Variants in UTRN observed in about 807,000 individuals in gnomAD.
UTRN encodes the protein utrophin, also known as dystrophin-related protein 1.
UTRN carries 283 observed loss-of-function variants against 463.9 expected under a neutral mutation model. The ratio of observed to expected loss-of-function variants is 0.61; its 90% CI spans 0.55 to 0.67. The LOEUF (loss-of-function observed/expected upper bound fraction) is 0.67, where lower values mean the gene tolerates loss of function less well. Ranked by LOEUF, UTRN falls within the 30% of genes least tolerant of loss-of-function variation. The pLI is 0.00. For synonymous variants in UTRN, 1,442 were observed against 1,431.5 expected, an observed-to-expected ratio of 1.01 and a Z score of -0.17; for missense variants, 3,922 against 4,084.3, an observed-to-expected ratio of 0.96 and a Z score of 1.08.
At chr6:144,486,667 G>A (rs1378812822) in intron 28 of UTRN, among the ~76,000 whole-genome samples, 16 of 152,230 alleles carry the variant, frequency 1.1e-4, no homozygotes, top group African/African-American at 1.7e-4. Context: ...GATCACAGGC[G>A]TGTGCCACTA....
chr6:144,687,732 A>C (rs1001576396), intron 52 of UTRN, among the ~76,000 whole-genome samples: 1 of 151,942 alleles, frequency 6.6e-6, no homozygotes, highest in African/African-American at 2.4e-5. Flanking sequence ...TCATTCGATA[A>C]GTTTTTCTTT....
In UTRN at chr6:144,700,351, C is replaced by T. The variant is rs546988307; in HGVS notation, c.7809+108C>T. 4.7e-4 allele frequency: 492 copies of T among 1,054,334 alleles called. 8 individuals carry two copies. The African/African-American group carries it at 6.5e-3, about 14-fold the overall frequency. 65.3% of individuals were successfully genotyped at this position (1,054,334 alleles called of 1,614,324 possible). ...GAGTTGAACCAATTATCACAGGATTCCCCCCCCCACCACCGTCTGCTTTTA... is the reference window on the plus strand; with the variant it reads ...GAGTTGAACCAATTATCACAGGATTTCCCCCCCCACCACCGTCTGCTTTTA... On this transcript the variant is annotated intron_variant, in intron 53 of 74. Coordinates refer to ENST00000367545, the MANE Select transcript of UTRN (RefSeq NM_007124.3).
intron 50 of UTRN, among the ~76,000 whole-genome samples, chr6:144,559,199 A>C (rs1257109438): frequency 6.6e-6 from 1 of 152,056 alleles, no homozygotes; most frequent in East Asian, 1.9e-4. Context: ...AAAATGAATT[A>C]TATTGCAAGG....
chr6:144,461,283 G>C lies in UTRN; in HGVS notation c.2794G>C (p.Val932Leu). 6.2e-7 allele frequency: 1 copy of C among 1,606,780 alleles called. No homozygotes were observed. Among genetic ancestry groups the C allele is most frequent in the Non-Finnish European group, 8.5e-7 (1 of 1,175,424 alleles). ...VLNDSENKAQ[V>L]SLNVLNDLAK... ...AAATGATTCAGAAAATAAGGCCCAGGTGTCTCTGAATGTCCTTAATGATCT... is the reference window on the plus strand; with the variant it reads ...AAATGATTCAGAAAATAAGGCCCAGCTGTCTCTGAATGTCCTTAATGATCT... Residue 932 changes from valine (V) to leucine (L), a missense_variant, in exon 22 of 75, where the codon GTG becomes CTG. Transcript: ENST00000367545.
intron 18 of UTRN, among the ~76,000 whole-genome samples, chr6:144,451,853 C>T (rs1361340893): frequency 1.3e-5 from 2 of 151,986 alleles, no homozygotes; most frequent in Admixed American, 6.6e-5. Flanking sequence ...GTTTTGCCTT[C>T]GGAATACAAC....
At chr6:144,590,455 A>T (rs1266715720) in intron 51 of UTRN, among the ~76,000 whole-genome samples, 55 of 152,182 alleles carry the variant, frequency 3.6e-4, no homozygotes, top group Admixed American at 3.6e-3. Flanking sequence ...TTATATTTAA[A>T]AGGACATAAT....
intron 51 of UTRN, among the ~76,000 whole-genome samples, chr6:144,599,954 T>C (rs1001481094): frequency 2.0e-5 from 3 of 152,188 alleles, no homozygotes; most frequent in African/African-American, 7.2e-5. Flanking sequence ...GTTTGGTAAC[T>C]CTTGCAATAT....
chr6:144,652,835 A>T (rs1259033030), intron 51 of UTRN, among the ~76,000 whole-genome samples: 2 of 152,228 alleles, frequency 1.3e-5, no homozygotes, highest in Non-Finnish European at 2.9e-5. Flanking sequence ...GCTTGTTTCT[A>T]TTGAGGGCTG....
chr6:144,701,964 A>T (rs1445283590), intron 53 of UTRN, among the ~76,000 whole-genome samples: 5 of 152,182 alleles, frequency 3.3e-5, no homozygotes. Flanking sequence ...ATAATAGAAG[A>T]TTTAAAATGA....
chr6:144,788,132 G>A (rs749546897), intron 61 of UTRN, among the ~76,000 whole-genome samples: 2 of 152,110 alleles, frequency 1.3e-5, no homozygotes, highest in Admixed American at 6.5e-5. Context: ...AAGTGAAATA[G>A]AAATGATCTA....
intron 53 of UTRN, 77 bp downstream of exon 53, chr6:144,700,320 G>A: frequency 6.9e-7 from 1 of 1,452,226 alleles, no homozygotes; most frequent in Non-Finnish European, 9.2e-7. Context: ...TTATAGATAA[G>A]TATCAGAGTT....
At chr6:144,626,461 C>T (rs12209027) in intron 51 of UTRN, among the ~76,000 whole-genome samples, 15,984 of 152,212 alleles carry the variant, frequency 0.11, 1,442 homozygotes, top group East Asian at 0.52. Flanking sequence ...TTCCTCCCCG[C>T]CTTTCTGCAT....
intron 51 of UTRN, among the ~76,000 whole-genome samples, chr6:144,636,967 T>G (rs1777240014): frequency 6.6e-6 from 1 of 151,810 alleles, no homozygotes; most frequent in Non-Finnish European, 1.5e-5. Context: ...TGATTTTTGT[T>G]TGTTTGTTTG....
intron 56 of UTRN, 43 bp from the exon 57 acceptor site, chr6:144,754,677 G>A (rs751935043): frequency 2.4e-5 from 38 of 1,585,940 alleles, no homozygotes; most frequent in African/African-American, 5.4e-5. Flanking sequence ...TTATTGTTTC[G>A]GAATCAAATT....
intron 54 of UTRN, among the ~76,000 whole-genome samples, chr6:144,744,608 CACACACACACACACACACACAT>C (rs1272729668): frequency 3.0e-5 from 3 of 101,156 alleles, no homozygotes; most frequent in South Asian, 3.2e-4. Context: ...AGGGCATACA[CACACACACACACACACACACAT>C]ACACACACAC....
At chr6:144,487,367 T>G (rs1792566880) in intron 28 of UTRN, among the ~76,000 whole-genome samples, 181 bp from the exon 29 acceptor site, 2 of 152,124 alleles carry the variant, frequency 1.3e-5, no homozygotes, top group South Asian at 4.1e-4. Context: ...ATTTTATGCA[T>G]TTTTTAATCC....
At chr6:144,420,606 T>C (rs1055038965) in intron 3 of UTRN, among the ~76,000 whole-genome samples, 2 of 152,246 alleles carry the variant, frequency 1.3e-5, no homozygotes, top group African/African-American at 4.8e-5. Flanking sequence ...TTAGAAATTC[T>C]ATAAGCTTTG....
At chr6:144,313,084 G>GC (rs1336595426) in intron 2 of UTRN, among the ~76,000 whole-genome samples, 19 of 152,166 alleles carry the variant, frequency 1.2e-4, no homozygotes, top group Non-Finnish European at 2.5e-4. Context: ...CTCTTGTTCT[G>GC]CCTTTCCAAA....
At chr6:144,593,189 A>C (rs9376826) in intron 51 of UTRN, among the ~76,000 whole-genome samples, 1 of 152,148 alleles carries the variant, frequency 6.6e-6, no homozygotes, top group African/African-American at 2.4e-5. Flanking sequence ...CAATGAACAA[A>C]GAATTGAACA....
Sources: gnomAD v4.1 joint callset for allele counts (sites outside exome capture counted in the v4.1 genomes callset) on GRCh38, gnomAD v4.1.1 for gene constraint, MANE v1.5 for transcripts, NCBI Gene and HGNC (gene_info 2026-07-23, HGNC 2026-07-21) for gene names.